Variants in UXS1 observed in about 807,000 individuals in gnomAD.
UXS1 encodes UDP-glucuronic acid decarboxylase 1.
Under a neutral mutation model 62.6 loss-of-function variants are expected in UXS1, and 33 were observed. The ratio of observed to expected loss-of-function variants is 0.53; its 90% CI spans 0.40 to 0.70. UXS1 has a LOEUF of 0.70. UXS1 is among the 30% of genes least tolerant of loss of function. The pLI is 0.00. For synonymous variants in UXS1, 213 were observed against 206.8 expected, an observed-to-expected ratio of 1.03 and a Z score of -0.26; for missense variants, 434 against 556.3, an observed-to-expected ratio of 0.78 and a Z score of 2.21.
intron 6 of UXS1, among the ~76,000 whole-genome samples, chr2:106,140,066 A>C (rs1022957738): frequency 6.6e-6 from 1 of 152,228 alleles, no homozygotes; most frequent in African/African-American, 2.4e-5. Context: ...AGAACTTCTC[A>C]AAGTATAAAG....
intron 1 of UXS1, among the ~76,000 whole-genome samples, chr2:106,175,070 G>C (rs907598838): frequency 6.6e-6 from 1 of 152,220 alleles, no homozygotes; most frequent in Non-Finnish European, 1.5e-5. Context: ...ATCCTCAGTG[G>C]GGCAGCGAAG....
At chr2:106,103,726 G>C (rs1677807489) in intron 11 of UXS1, among the ~76,000 whole-genome samples, 1 of 152,148 alleles carries the variant, frequency 6.6e-6, no homozygotes, top group Admixed American at 6.5e-5. Context: ...TAATGGGTGG[G>C]GAGGAAAAAA....
At chr2:106,139,713 G>A (rs977625836) in intron 6 of UXS1, among the ~76,000 whole-genome samples, 2 of 152,058 alleles carry the variant, frequency 1.3e-5, no homozygotes, top group African/African-American at 2.4e-5. Context: ...TAGTGACATA[G>A]TCTGTGTCAA....
At chr2:106,138,480 C>A (rs572110595) in intron 6 of UXS1, 142 of 985,488 alleles carry the variant, frequency 1.4e-4, no homozygotes, top group Admixed American at 1.8e-4. Context: ...GAGCCCACTG[C>A]AGGTCTCACC....
chr2:106,129,892 G>A, intron 6 of UXS1, 114 bp from the exon 7 acceptor site: 1 of 592,230 alleles, frequency 1.7e-6, no homozygotes, highest in Non-Finnish European at 2.8e-6. Context: ...CTGAAATCAA[G>A]TTATTTTATT....
At chr2:106,175,737 G>GT (rs1683836965) in intron 1 of UXS1, among the ~76,000 whole-genome samples, 1 of 152,180 alleles carries the variant, frequency 6.6e-6, no homozygotes, top group African/African-American at 2.4e-5. Context: ...AGACCTGCCA[G>GT]TGAAGAAGCC....
chr2:106,127,718 C>T (rs1680080003), intron 7 of UXS1, among the ~76,000 whole-genome samples: 1 of 152,144 alleles, frequency 6.6e-6, no homozygotes, highest in Admixed American at 6.5e-5. Flanking sequence ...CTAATGACAG[C>T]GCCTCTCGGT....
Position 106,145,367 on chromosome 2 carries a change from T to C in UXS1, c.295A>G (p.Thr99Ala), listed in dbSNP as rs1377041925. The change falls in exon 6 of 15, where the codon ACA becomes GCA. Residue 99 changes from threonine to alanine, a missense_variant. Thr to Ala is a moderately conservative substitution (Grantham distance 58). Around this residue, in one of 3 missense-constraint regions of UXS1, gnomAD observed 134 missense variants for 251.9 expected, o/e 0.53. Coordinates refer to ENST00000283148, the MANE Select transcript of UXS1 (RefSeq NM_001253875.2). Reference protein sequence around the residue: ...SEKDRKRILITGGAGFVGSHL... With the variant: ...SEKDRKRILIAGGAGFVGSHL... ...GAGCCCACGAACCCTGCGCCTCCTGTTATCTGCATCCGGACAGCGTGTGCA... is the reference window on the plus strand; with the variant it reads ...GAGCCCACGAACCCTGCGCCTCCTGCTATCTGCATCCGGACAGCGTGTGCA... The C allele has an allele frequency of 1.2e-6, 2 of 1,612,570 alleles. No individual in the cohort carries two copies.
chr2:106,128,783 T>TA (rs1364607160), intron 7 of UXS1, among the ~76,000 whole-genome samples: 2 of 152,212 alleles, frequency 1.3e-5, no homozygotes, highest in Admixed American at 1.3e-4. Context: ...TACCACCCCC[T>TA]AAAATATTGC....
intron 6 of UXS1, among the ~76,000 whole-genome samples, chr2:106,140,226 C>A (rs1323504585): frequency 3.3e-5 from 5 of 152,200 alleles, no homozygotes; most frequent in African/African-American, 1.2e-4. Context: ...GTCGACTGTT[C>A]TGAGCGAGGG....
chr2:106,187,254 C>CA (rs1222388295), intron 1 of UXS1, among the ~76,000 whole-genome samples: 1 of 152,010 alleles, frequency 6.6e-6, no homozygotes, highest in African/African-American at 2.4e-5. Flanking sequence ...CAGGCTCCTA[C>CA]AGGCCTAGGA....
intron 13 of UXS1, chr2:106,097,078 C>A: frequency 1.7e-6 from 1 of 604,568 alleles, no homozygotes; most frequent in Non-Finnish European, 3.1e-6. Context: ...GCAGGTTATT[C>A]TGTCTCAACA....
At chr2:106,193,795 G>C (rs961711558) in intron 1 of UXS1, among the ~76,000 whole-genome samples, 1 of 151,786 alleles carries the variant, frequency 6.6e-6, no homozygotes, top group African/African-American at 2.4e-5. Flanking sequence ...GCACGCTCCG[G>C]AGTCCCCGAC....
chr2:106,147,635 C>T (rs1681679761), intron 5 of UXS1, among the ~76,000 whole-genome samples: 1 of 152,086 alleles, frequency 6.6e-6, no homozygotes, highest in South Asian at 2.1e-4. Context: ...ACCTGTGAGC[C>T]CCCACTTCAA....
chr2:106,152,559 A>G (rs531194555), intron 5 of UXS1, among the ~76,000 whole-genome samples: 132 of 69,410 alleles, frequency 1.9e-3, no homozygotes, highest in African/African-American at 5.6e-3. Context: ...AGGGAGAAAG[A>G]AAGGAAGGAA....
chr2:106,158,861 G>A (rs779012345), intron 4 of UXS1, among the ~76,000 whole-genome samples: 6 of 152,210 alleles, frequency 3.9e-5, no homozygotes, highest in African/African-American at 7.2e-5. Flanking sequence ...CTAAGGAAAC[G>A]GTATTTGAGG....
chr2:106,115,788 G>C (rs1424830547), intron 9 of UXS1, among the ~76,000 whole-genome samples: 1 of 152,174 alleles, frequency 6.6e-6, no homozygotes, highest in Non-Finnish European at 1.5e-5. Flanking sequence ...AAACTATTTT[G>C]AAAACTGCCA....
At position 106,194,254 on chromosome 2, in the gene UXS1, C is replaced by A. The variant is rs530954060; in HGVS notation, c.-13G>T. 97 of 1,400,342 alleles carry A rather than the reference C, an allele frequency of 6.9e-5. No homozygotes were observed. In the Admixed American group the frequency reaches 7.7e-4, roughly 11 times the overall value. The allele number at this position is 1,400,342 out of a possible 1,614,324, so 86.7% of individuals were successfully genotyped here. Reference sequence around the variant, plus strand: ...CCTTGCTCACCATCCCCGGGAGCCGCGCGGGTCCAGGGCCCTACCGCGCGG... The same window carrying A: ...CCTTGCTCACCATCCCCGGGAGCCGAGCGGGTCCAGGGCCCTACCGCGCGG... On this transcript the variant is annotated 5_prime_UTR_variant, in exon 1 of 15. Transcript: ENST00000283148.
At chr2:106,100,442 T>C (rs1573393118) in intron 12 of UXS1, among the ~76,000 whole-genome samples, 1 of 152,106 alleles carries the variant, frequency 6.6e-6, no homozygotes, top group Non-Finnish European at 1.5e-5. Flanking sequence ...AGTGGACAGG[T>C]GTGCAGAAAG....
Sources: gnomAD v4.1 joint callset for allele counts (sites outside exome capture counted in the v4.1 genomes callset) on GRCh38, gnomAD v4.1.1 for gene constraint, gnomAD v4.1.1 regional missense constraint, MANE v1.5 for transcripts, NCBI Gene and HGNC (gene_info 2026-07-23, HGNC 2026-07-21) for gene names.